The following CDH24 variants were observed in gnomAD, a reference collection of about 807,000 sequenced individuals.
The protein encoded by CDH24 is cadherin-24.
Under a neutral mutation model 71.2 loss-of-function variants are expected in CDH24, and 61 were observed. That is an observed-to-expected ratio of 0.86 (90% confidence interval 0.70 to 1.06). The LOEUF (loss-of-function observed/expected upper bound fraction) is 1.06. CDH24 is among the 50% of genes least tolerant of loss of function. The pLI is 0.00. For missense variants in CDH24, 961 were observed against 1,083.7 expected (o/e 0.89, Z 1.59); for synonymous variants, 440 against 470.2 (o/e 0.94, Z 0.83).
Position 23,052,671 on chromosome 14 carries a change from C to G in CDH24, c.1227-62G>C, listed in dbSNP as rs538488794. On this transcript the variant is annotated intron_variant, in intron 7 of 12. Transcript: ENST00000487137. ...GCGGGACCACAGCTTGTTCCACCCC[C>G]TCTCTTCTTTCTTCCCTCTGTTCAC... 6.1e-4 allele frequency: 944 copies of G among 1,554,844 alleles called. 2 individuals are homozygous for G. Among genetic ancestry groups the G allele is most frequent in the Non-Finnish European group, 7.8e-4 (880 of 1,130,956 alleles).
chr14:23,051,483 C>T lies in CDH24; in HGVS notation c.1363+990G>A, dbSNP rs1350746273. Among the ~76,000 whole-genome samples, 1 of 152,210 alleles carries T rather than the reference C, an allele frequency of 6.6e-6. No homozygotes were observed. The highest frequency in any genetic ancestry group is 1.9e-4 in the East Asian group (1 of 5,206). ...TAAATTATCTGTCCACAAATACCCACATACACAAAACACATACAAACAGCT... is the reference window on the plus strand; with the variant it reads ...TAAATTATCTGTCCACAAATACCCATATACACAAAACACATACAAACAGCT... On this transcript the variant is annotated intron_variant, in intron 8 of 12. Transcript: ENST00000487137. This position sits in a 1 kb window ranked among gnomAD's most constrained non-coding sequence, Gnocchi z 4.4.
At position 23,054,093 on chromosome 14, in the gene CDH24, C is replaced by A; in HGVS notation, c.972+48G>T. On this transcript the variant is annotated intron_variant, in intron 6 of 12. Transcript: ENST00000487137. This position sits in a 1 kb window ranked among gnomAD's most constrained non-coding sequence, Gnocchi z 5.2. ...ACAGTTAAATATGTGCCCTGTGGGT[C>A]GGCAGGAGGCAGGTCTAAGAGAAAG... The A allele has an allele frequency of 1.3e-6, 2 of 1,515,896 alleles. No homozygotes were observed. Among genetic ancestry groups the A allele is most frequent in the Non-Finnish European group, 1.8e-6 (2 of 1,125,900 alleles). The allele number at this position is 1,515,896 out of a possible 1,614,324, so 93.9% of individuals were successfully genotyped here.
chr14:23,052,346 G>A (rs764431924), intron 8 of CDH24, 127 bp downstream of exon 8: 307 of 1,023,766 alleles, frequency 3.0e-4, no homozygotes, highest in Non-Finnish European at 4.4e-4. Flanking sequence ...TCAGATCCAG[G>A]CTAGGACTCA....
Position 23,048,334 on chromosome 14 carries a change from G to C in CDH24, c.1992C>G (p.Ala664=), listed in dbSNP as rs773871485. ...GGGCCGCCCCGTCCGGGTTCTGCAA[G>C]GCCGTGATGTCGAAGGCCTCGGTGT... ...EEDTEAFDIT[A]LQNPDGAAPP... Residue 664 remains alanine (A), a synonymous_variant, in exon 12 of 13, where the codon GCC becomes GCG. Coordinates refer to ENST00000487137, the MANE Select transcript of CDH24 (RefSeq NM_144985.4). The C allele has an allele frequency of 4.3e-6, 7 of 1,611,076 alleles. No individual in the cohort carries two copies. The Admixed American group carries it at 1.2e-4, about 27-fold the overall frequency.
chr14:23,050,078 G>A, intron 8 of CDH24, 135 bp from the exon 9 acceptor site: 2 of 1,236,760 alleles, frequency 1.6e-6, no homozygotes, highest in Non-Finnish European at 2.2e-6. Flanking sequence ...TGCATGTAAT[G>A]TACAGGTAGA....
Position 23,054,585 on chromosome 14 carries a change from G to A in CDH24, c.705C>T (p.His235=). 4.3e-6 allele frequency: 7 copies of A among 1,614,118 alleles called. No homozygotes were observed. Among genetic ancestry groups the A allele is most frequent in the Non-Finnish European group, 4.2e-6 (5 of 1,179,992 alleles). Residue 235 remains histidine (H), a synonymous_variant, in exon 5 of 13, where the codon CAC becomes CAT. Coordinates refer to ENST00000487137, the MANE Select transcript of CDH24 (RefSeq NM_144985.4). This position sits in a 1 kb window ranked among gnomAD's most constrained non-coding sequence, Gnocchi z 5.2. ...VVIQAKDMGG[H]MGGLSGSTTV... is the part of the protein sequence containing the mutation. The stretch of plus-strand genomic sequence containing the variant: ...TAGTGCTGCCTGACAGCCCCCCCAT[G>A]TGGCCGCCCATGTCCTTGGCCTGGA...
intron 9 of CDH24, 34 bp from the exon 10 acceptor site, chr14:23,049,772 T>C (rs755513709): frequency 6.2e-7 from 1 of 1,612,210 alleles, no homozygotes; most frequent in South Asian, 1.1e-5. Flanking sequence ...TTGTATGGAG[T>C]GGGCTGCTGG....
chr14:23,054,479 G>T lies in CDH24; in HGVS notation c.784+27C>A. 2.5e-6 allele frequency: 4 copies of T among 1,603,338 alleles called. No homozygotes were observed. The highest frequency in any genetic ancestry group is 3.4e-6 in the Non-Finnish European group (4 of 1,173,576). The stretch of plus-strand genomic sequence containing the variant: ...GTAGGGGTGGGGTGATCAAAGGATG[G>T]CTCAGGTGGCAGCAATGGCCCCTTA... On this transcript the variant is annotated intron_variant, in intron 5 of 12. Transcript: ENST00000487137. The surrounding 1 kb of genome is among the most constrained non-coding windows in gnomAD (Gnocchi z 5.2).
chr14:23,053,300 G>A (rs1002166817), intron 7 of CDH24, among the ~76,000 whole-genome samples, 196 bp downstream of exon 7: 1 of 152,316 alleles, frequency 6.6e-6, no homozygotes, highest in East Asian at 1.9e-4. Context: ...GTGGACAGAC[G>A]GTTGAGGAGT....
rs1270251312 is a variant in CDH24 at position 23,054,149 on chromosome 14, C to G, written c.964G>C (p.Val322Leu). The G allele has an allele frequency of 1.3e-6, 2 of 1,595,426 alleles. No homozygotes were observed. The highest frequency in any genetic ancestry group is 2.2e-5 in the East Asian group (1 of 44,496). The change falls in exon 6 of 13, where the codon GTC becomes CTC. Residue 322 changes from valine (V) to leucine (L), a missense_variant. Coordinates refer to ENST00000487137, the MANE Select transcript of CDH24 (RefSeq NM_144985.4). The surrounding 1 kb of genome is among the most constrained non-coding windows in gnomAD (Gnocchi z 5.2). The stretch of plus-strand genomic sequence containing the variant: ...ACAGGCAGGAGGCTAACCTTGCGGA[C>G]AGTGAGGAGCCCGTCTCGACCCTGC... The part of the protein sequence containing the change: ...DLQGRDGLLT[V>L]RKPLDFESQR...
At chr14:23,048,880 T>C in intron 11 of CDH24, 147 bp downstream of exon 11, 1 of 851,906 alleles carries the variant, frequency 1.2e-6, no homozygotes, top group Non-Finnish European at 1.8e-6. Context: ...AGAGCTTTTC[T>C]CTTGGATGCA....
chr14:23,050,015 T>G (rs113417691), intron 8 of CDH24, 72 bp from the exon 9 acceptor site: 2 of 1,565,306 alleles, frequency 1.3e-6, no homozygotes, highest in South Asian at 1.2e-5. Flanking sequence ...ATGTGGTGCA[T>G]GGGCATGGAT....
At position 23,054,830 on chromosome 14, in the gene CDH24, T is replaced by C; in HGVS notation, c.533A>G (p.Asp178Gly). The C allele has an allele frequency of 2.5e-6, 4 of 1,613,698 alleles. No homozygotes were observed. Among genetic ancestry groups the C allele is most frequent in the Non-Finnish European group, 3.4e-6 (4 of 1,179,984 alleles). ...GGCACTGTTCCCATAGCTGGGGTCATCAGCATCGTGAGCAGTCACCTGGAT... is the reference window on the plus strand; with the variant it reads ...GGCACTGTTCCCATAGCTGGGGTCACCAGCATCGTGAGCAGTCACCTGGAT... ...SVIQVTAHDA[D>G]DPSYGNSAKL... is the part of the protein sequence containing the mutation. Residue 178 changes from aspartate to glycine, a missense_variant, in exon 4 of 13, where the codon GAT (aspartate) becomes GGT (glycine). By Grantham distance (94) the Asp-to-Gly change is moderately conservative. Transcript: ENST00000487137. This position sits in a 1 kb window ranked among gnomAD's most constrained non-coding sequence, Gnocchi z 5.2.
intron 7 of CDH24, among the ~76,000 whole-genome samples, chr14:23,053,270 A>G (rs552027050): frequency 1.6e-4 from 25 of 152,298 alleles, no homozygotes; most frequent in Non-Finnish European, 2.9e-4. Flanking sequence ...GGGAGGGGCC[A>G]CCATCATCTA....
At position 23,054,973 on chromosome 14, in the gene CDH24, G is replaced by A; in HGVS notation, c.496+86C>T. On this transcript the variant is annotated intron_variant, in intron 3 of 12. Transcript: ENST00000487137. This position sits in a 1 kb window ranked among gnomAD's most constrained non-coding sequence, Gnocchi z 5.2. ...AGGGAGGCTGAATTGAAGGGGGCAG[G>A]TTCTGGGGCAGACAACAAGAAGGGA... is the stretch of plus-strand genomic sequence containing the variant. The A allele has an allele frequency of 6.3e-7, 1 of 1,589,630 alleles. No individual in the cohort carries two copies. Among genetic ancestry groups the A allele is most frequent in the Non-Finnish European group, 8.6e-7 (1 of 1,164,770 alleles).
At chr14:23,049,535 TG>T (rs2047068605) in intron 10 of CDH24, 91 bp downstream of exon 10, 2 of 802,442 alleles carry the variant, frequency 2.5e-6, no homozygotes, top group African/African-American at 1.8e-5. Context: ...CCGAGGCAGG[TG>T]GGGCAGGGGT....
chr14:23,054,049 C>A lies in CDH24; in HGVS notation c.972+92G>T. On this transcript the variant is annotated intron_variant, in intron 6 of 12. Coordinates refer to ENST00000487137, the MANE Select transcript of CDH24 (RefSeq NM_144985.4). This position sits in a 1 kb window ranked among gnomAD's most constrained non-coding sequence, Gnocchi z 5.2. ...ATCTCTAAGCTCCAACAGAGAGATC[C>A]TGAGTCTGTTCTAGAAGAACAGTTA... 1 of 1,334,908 alleles carries A rather than the reference C, an allele frequency of 7.5e-7. No homozygotes were observed. The highest frequency in any genetic ancestry group is 1.4e-5 in the South Asian group (1 of 70,356). The allele number at this position is 1,334,908 out of a possible 1,614,324, so 82.7% of individuals were successfully genotyped here. A position where few individuals can be genotyped will look rare whatever the true frequency, so the allele number is the denominator to read the frequency against.
At position 23,055,992 on chromosome 14, in the gene CDH24, G is replaced by T. The variant is rs1352755019; in HGVS notation, c.-124-135C>A. 4.4e-6 allele frequency: 2 copies of T among 458,418 alleles called. No individual in the cohort carries two copies. Among genetic ancestry groups the T allele is most frequent in the African/African-American group, 3.9e-5 (2 of 51,738 alleles). 28.4% of individuals were successfully genotyped at this position (458,418 alleles called of 1,614,324 possible). On this transcript the variant is annotated intron_variant, in intron 1 of 12. Transcript: ENST00000487137. This position sits in a 1 kb window ranked among gnomAD's most constrained non-coding sequence, Gnocchi z 4.1. ...AACTCAGACTAAGACAGAGAGCAGA[G>T]AGGCTGATCCTTCCTCCACCCAGGC...
Position 23,054,717 on chromosome 14 carries a change from C to T in CDH24, c.616+30G>A. ...CAGAGGGTGTCTGTCCCCTTGGCTG[C>T]CCCACCGGGCTCCCAGGCTCCATCC... On this transcript the variant is annotated intron_variant, in intron 4 of 12. Coordinates refer to ENST00000487137, the MANE Select transcript of CDH24 (RefSeq NM_144985.4). This position sits in a 1 kb window ranked among gnomAD's most constrained non-coding sequence, Gnocchi z 5.2. 1 of 1,613,994 alleles carries T rather than the reference C, an allele frequency of 6.2e-7. No homozygotes were observed. The highest frequency in any genetic ancestry group is 8.5e-7 in the Non-Finnish European group (1 of 1,179,980).
Sources: gnomAD v4.1 joint callset for allele counts (sites outside exome capture counted in the v4.1 genomes callset) on GRCh38, gnomAD v4.1.1 for gene constraint, Gnocchi (gnomAD v3.1) non-coding constraint, MANE v1.5 for transcripts, NCBI Gene and HGNC (gene_info 2026-07-23, HGNC 2026-07-21) for gene names.